EIF4E2: variants seen among roughly 807,000 people sequenced by gnomAD.
EIF4E2 encodes eukaryotic translation initiation factor 4E family member 2.
In EIF4E2, 13 loss-of-function variants were observed where a neutral mutation model predicts 34.2. The ratio of observed to expected loss-of-function variants is 0.38; its 90% CI spans 0.25 to 0.60. EIF4E2 has a LOEUF of 0.60. Among genes scored for constraint, EIF4E2 ranks in the 20% least tolerant of loss-of-function variants. EIF4E2 has a pLI of 0.62. For synonymous variants in EIF4E2, 100 were observed against 106.6 expected (o/e 0.94, Z 0.38); for missense variants, 222 against 315.1 (o/e 0.70, Z 2.24).
In EIF4E2 at chr2:232,568,981, T is replaced by C; in HGVS notation, c.702T>C (p.Phe234=). 1 of 1,614,210 alleles carries C rather than the reference T, an allele frequency of 6.2e-7. No individual in the cohort carries two copies. Among genetic ancestry groups the C allele is most frequent in the Admixed American group, 1.7e-5 (1 of 60,022 alleles). Residue 234 remains phenylalanine (F), a synonymous_variant, in exon 7 of 7, where the codon TTT becomes TTC. Coordinates refer to ENST00000258416, the MANE Select transcript of EIF4E2 (RefSeq NM_004846.4). ...PGRLGPQRLL[F]QNLWKPRLNV... ...GGCTGGGCCCCCAAAGGCTCCTTTT[T>C]CAAAACCTCTGGAAGCCGCGGTTGA...
chr2:232,574,457 T>C (rs964044910), intron 6 of EIF4E2: 3 of 1,097,898 alleles, frequency 2.7e-6, no homozygotes, highest in South Asian at 2.8e-5. Context: ...GAGAAAAATA[T>C]AAGTCCCAAA....
intron 6 of EIF4E2, chr2:232,580,841 T>G (rs919148724): frequency 1.4e-6 from 2 of 1,418,456 alleles, no homozygotes; most frequent in East Asian, 2.5e-5. Context: ...CCTGTATATG[T>G]GTGCTTCTGT....
chr2:232,568,569 G>C (rs1393038046), intron 6 of EIF4E2: 2 of 985,282 alleles, frequency 2.0e-6, no homozygotes, highest in Admixed American at 6.2e-5. Context: ...CAAGGTTTCT[G>C]AATATCCCCT....
chr2:232,574,137 G>C, downstream of EIF4E2: 1 of 961,846 alleles, frequency 1.0e-6, no homozygotes, highest in Non-Finnish European at 1.6e-6. Context: ...CTGCTCCCAG[G>C]TACCTGTGGC....
intron 1 of EIF4E2, among the ~76,000 whole-genome samples, chr2:232,552,526 C>T (rs544198418): frequency 1.3e-5 from 2 of 152,290 alleles, no homozygotes; most frequent in African/African-American, 4.8e-5. Context: ...GTTATTTCTA[C>T]TCTAACAATT....
chr2:232,551,558 T>TA (rs1692329159), intron 1 of EIF4E2, among the ~76,000 whole-genome samples: 1 of 152,218 alleles, frequency 6.6e-6, no homozygotes, highest in African/African-American at 2.4e-5. Flanking sequence ...ATTCACCACT[T>TA]ACCATCTGTT....
At chr2:232,554,844 A>G (rs1031032928) in intron 1 of EIF4E2, among the ~76,000 whole-genome samples, 5 of 152,082 alleles carry the variant, frequency 3.3e-5, no homozygotes, top group African/African-American at 4.8e-5. Flanking sequence ...TCCTGAGTCT[A>G]TGATCTTTCA....
downstream of EIF4E2, chr2:232,573,654 A>G (rs549442744): frequency 2.7e-4 from 45 of 167,950 alleles, no homozygotes; most frequent in South Asian, 6.2e-3. Context: ...GGAAATTTTG[A>G]ACTGCCGTGA....
At chr2:232,582,437 A>G (rs1199711957) in exon 7 of EIF4E2, 1 of 152,158 alleles carries the variant, frequency 6.6e-6, no homozygotes, top group Non-Finnish European at 1.5e-5. Flanking sequence ...ACAGGGGCCA[A>G]AAGGGAGGTG....
At chr2:232,559,836 A>AG (rs1467451212) in intron 3 of EIF4E2, among the ~76,000 whole-genome samples, 1 of 151,512 alleles carries the variant, frequency 6.6e-6, no homozygotes, top group East Asian at 1.9e-4. Context: ...AAAAAAAAAA[A>AG]AAAAAAAGGC....
chr2:232,579,469 A>G (rs1017439741), intron 6 of EIF4E2, among the ~76,000 whole-genome samples: 9 of 152,058 alleles, frequency 5.9e-5, no homozygotes, highest in Admixed American at 4.6e-4. Flanking sequence ...CACCTATACC[A>G]GCTCCAGTTT....
In EIF4E2 at chr2:232,578,428, C is replaced by G. The variant is rs537666452; in HGVS notation, c.666-2476C>G. The stretch of plus-strand genomic sequence containing the variant: ...TGGGCGGATCATGAGGTCAAGAGAT[C>G]GAGACCATCCTGGCCAACATGGTGA... On this transcript the variant is annotated intron_variant, in intron 6 of 6. Coordinates refer to the EIF4E2 transcript ENST00000409098. Among the ~76,000 whole-genome samples the G allele has an allele frequency of 1.4e-3, 216 of 152,172 alleles. 1 individual carries two copies. The highest frequency in any genetic ancestry group is 5.0e-3 in the African/African-American group (206 of 41,510).
At chr2:232,571,933 A>G (rs1186259449), downstream of EIF4E2, among the ~76,000 whole-genome samples, 1 of 152,214 alleles carries the variant, frequency 6.6e-6, no homozygotes, top group East Asian at 1.9e-4. Context: ...CAAGGCTATG[A>G]ACCTTGCAGC....
At chr2:232,570,753 A>G (rs182378049), downstream of EIF4E2, among the ~76,000 whole-genome samples, 287 of 152,318 alleles carry the variant, frequency 1.9e-3, 2 homozygotes, top group African/African-American at 6.6e-3. Flanking sequence ...CCTGGCCAAC[A>G]TGGTGAAACC....
chr2:232,565,290 C>A, intron 4 of EIF4E2, among the ~76,000 whole-genome samples: 1 of 152,190 alleles, frequency 6.6e-6, no homozygotes, highest in East Asian at 1.9e-4. Flanking sequence ...CTTCCCAGTG[C>A]CCGCAGTGCC....
At chr2:232,557,851 G>A in intron 2 of EIF4E2, 33 bp from the exon 3 acceptor site, 1 of 1,607,654 alleles carries the variant, frequency 6.2e-7, no homozygotes, top group Non-Finnish European at 8.5e-7. Flanking sequence ...CGTGACAAAT[G>A]CCCAGGACTA....
chr2:232,579,916 A>C (rs935049090), intron 6 of EIF4E2, among the ~76,000 whole-genome samples: 1 of 152,172 alleles, frequency 6.6e-6, no homozygotes, highest in African/African-American at 2.4e-5. Flanking sequence ...AGCAGCCTTA[A>C]AGTCCCTGCC....
chr2:232,580,084 CCACACACACACACACACACACACACA>C (rs6147227), intron 6 of EIF4E2, among the ~76,000 whole-genome samples: 13 of 145,280 alleles, frequency 8.9e-5, no homozygotes, highest in African/African-American at 3.3e-4. Context: ...CACATACATA[CCACACACACACACACACACACACACA>C]CACACACACA....
intron 3 of EIF4E2, among the ~76,000 whole-genome samples, chr2:232,562,793 A>G (rs1692767836): frequency 6.6e-6 from 1 of 152,226 alleles, no homozygotes. Flanking sequence ...CAACTATGTT[A>G]GGGTGGATAA....
Sources: gnomAD v4.1 joint callset for allele counts (sites outside exome capture counted in the v4.1 genomes callset) on GRCh38, gnomAD v4.1.1 for gene constraint, MANE v1.5 for transcripts, NCBI Gene and HGNC (gene_info 2026-07-23, HGNC 2026-07-21) for gene names.